The following BAZ2B variants were observed in gnomAD, a reference collection of about 807,000 sequenced individuals.
BAZ2B encodes bromodomain adjacent to zinc finger domain protein 2B.
In BAZ2B, 91 loss-of-function variants were observed where a neutral mutation model predicts 246.0. The observed-to-expected ratio is 0.37, with a 90% CI of 0.31 to 0.44. The LOEUF is 0.44. Ranked by LOEUF, BAZ2B falls within the 20% of genes least tolerant of loss-of-function variation. The pLI is 1.00. For missense variants in BAZ2B, 2,332 were observed against 2,533.7 expected (o/e 0.92, Z 1.71); for synonymous variants, 855 against 860.0 (o/e 0.99, Z 0.10).
At chr2:159,464,850 T>G (rs1360805260) in intron 3 of BAZ2B, 5 of 152,258 alleles carry the variant, frequency 3.3e-5, no homozygotes, top group African/African-American at 1.2e-4. Context: ...ATAGCTGTAC[T>G]TCTAGTAAGG....
chr2:159,393,388 T>C (rs2063581230), intron 20 of BAZ2B, among the ~76,000 whole-genome samples: 3 of 152,200 alleles, frequency 2.0e-5, no homozygotes. Context: ...ATTTAAGTCA[T>C]TACTTTATGT....
At chr2:159,643,368 T>A in the BAZ2B span, among the ~76,000 whole-genome samples, 9 of 152,268 alleles carry the variant, frequency 5.9e-5, no homozygotes, top group East Asian at 1.3e-3. Flanking sequence ...GTGAACTCTC[T>A]ATCATCTCTC....
At chr2:159,332,723 T>C in intron 33 of BAZ2B, 37 bp from the exon 34 acceptor site, 1 of 1,605,646 alleles carries the variant, frequency 6.2e-7, no homozygotes, top group Non-Finnish European at 8.5e-7. Context: ...ATTAACGCTC[T>C]GCCATGAATA....
chr2:159,581,183 A>C (rs1337471859), intron 1 of BAZ2B, among the ~76,000 whole-genome samples: 1 of 152,234 alleles, frequency 6.6e-6, no homozygotes, highest in East Asian at 1.9e-4. Flanking sequence ...CAAAGGGCTA[A>C]TATCCAGAAT....
At chr2:159,460,466 CT>C (rs2076273430) in intron 3 of BAZ2B, 1 of 152,066 alleles carries the variant, frequency 6.6e-6, no homozygotes, top group African/African-American at 2.4e-5. Flanking sequence ...CTAAAAGTGT[CT>C]TTTAATCTTT....
intron 2 of BAZ2B, among the ~76,000 whole-genome samples, chr2:159,485,808 T>G (rs1178158638): frequency 6.6e-6 from 1 of 152,250 alleles, no homozygotes; most frequent in East Asian, 1.9e-4. Context: ...GCAGTCTTGA[T>G]TCTATCTCCA....
chr2:159,422,042 T>G (rs2068858310), intron 13 of BAZ2B, among the ~76,000 whole-genome samples: 4 of 151,710 alleles, frequency 2.6e-5, no homozygotes, highest in Admixed American at 2.0e-4. Flanking sequence ...TCCAAGGAGG[T>G]GAAAGATCTC....
intron 8 of BAZ2B, among the ~76,000 whole-genome samples, chr2:159,435,984 T>C (rs2072211265): frequency 1.3e-5 from 2 of 152,226 alleles, no homozygotes; most frequent in South Asian, 4.1e-4. Context: ...TTAGTAATTA[T>C]TCAGTAAATT....
At chr2:159,556,785 T>G (rs920758685) in intron 1 of BAZ2B, among the ~76,000 whole-genome samples, 1 of 152,040 alleles carries the variant, frequency 6.6e-6, no homozygotes, top group Non-Finnish European at 1.5e-5. Flanking sequence ...ATTAACAAGG[T>G]CTAATTTGAG....
intron 2 of BAZ2B, among the ~76,000 whole-genome samples, chr2:159,515,370 C>T (rs1250446772): frequency 1.3e-5 from 2 of 152,040 alleles, no homozygotes; most frequent in African/African-American, 4.8e-5. Context: ...GTGTATCCAA[C>T]AACATGTATA....
intron 1 of BAZ2B, among the ~76,000 whole-genome samples, chr2:159,584,123 T>C (rs913685080): frequency 2.4e-5 from 3 of 127,640 alleles, no homozygotes; most frequent in African/African-American, 9.6e-5. Flanking sequence ...TAATCTGATT[T>C]AGGGTTTTTT....
intron 1 of BAZ2B, among the ~76,000 whole-genome samples, chr2:159,583,922 T>C (rs1001709318): frequency 2.6e-5 from 4 of 152,152 alleles, no homozygotes; most frequent in African/African-American, 9.7e-5. Context: ...GAGGGAAGAA[T>C]GTGTCTGATA....
chr2:159,663,949 A>T, the BAZ2B span, among the ~76,000 whole-genome samples: 1 of 97,926 alleles, frequency 1.0e-5, no homozygotes, highest in East Asian at 3.2e-4. Context: ...ATATGTATAC[A>T]TGTGCCATGC....
upstream of BAZ2B, chr2:159,616,978 T>C (rs957443235): frequency 1.3e-5 from 2 of 152,162 alleles, no homozygotes; most frequent in Admixed American, 1.3e-4. Flanking sequence ...AAAAGCAGTA[T>C]GCAAGACGGT....
intron 6 of BAZ2B, among the ~76,000 whole-genome samples, chr2:159,446,038 C>T (rs925240130): frequency 1.3e-5 from 2 of 152,016 alleles, no homozygotes; most frequent in Admixed American, 6.6e-5. Context: ...AACTTAAGCC[C>T]GGGAGGTGGA....
the BAZ2B span, among the ~76,000 whole-genome samples, chr2:159,659,945 G>A: frequency 1.3e-5 from 2 of 151,870 alleles, no homozygotes; most frequent in Non-Finnish European, 2.9e-5. Context: ...CTTTTTCATT[G>A]AGGTAAAATA....
At chr2:159,405,870 T>C (rs1175313546) in intron 14 of BAZ2B, among the ~76,000 whole-genome samples, 1 of 152,150 alleles carries the variant, frequency 6.6e-6, no homozygotes, top group Non-Finnish European at 1.5e-5. Context: ...CCACCCAAAC[T>C]TAGTATTTCA....
chr2:159,584,004 G>A (rs1425042), intron 1 of BAZ2B, among the ~76,000 whole-genome samples: 83,961 of 152,012 alleles, frequency 0.55, 23,958 homozygotes, highest in East Asian at 0.74. Flanking sequence ...AAGAAATAGG[G>A]GAGAGGTAAA....
intron 3 of BAZ2B, among the ~76,000 whole-genome samples, chr2:159,455,763 GTTT>G (rs60866580): frequency 3.1e-4 from 20 of 64,626 alleles, no homozygotes; most frequent in African/African-American, 9.6e-4. Flanking sequence ...AAATATTGTG[GTTT>G]TTTTTTTTTT....
Sources: allele counts gnomAD v4.1 joint callset (sites outside exome capture counted in the v4.1 genomes callset), GRCh38; gene constraint gnomAD v4.1.1; transcripts MANE v1.5; gene names NCBI Gene and HGNC (gene_info 2026-07-23, HGNC 2026-07-21).